SNTG1: variants seen among roughly 807,000 people sequenced by gnomAD.
SNTG1 encodes syntrophin gamma 1.
In SNTG1, 39 loss-of-function variants were observed where a neutral mutation model predicts 74.7. The observed-to-expected ratio is 0.52, with a 90% CI of 0.40 to 0.68. The LOEUF (loss-of-function observed/expected upper bound fraction) is 0.68. Ranked by LOEUF, SNTG1 falls within the 30% of genes least tolerant of loss-of-function variation. The probability of loss-of-function intolerance (pLI) is 0.00; values close to 1 mark genes in which losing one functional copy is unlikely to be tolerated. For synonymous variants in SNTG1, 254 were observed against 217.1 expected (o/e 1.17, Z -1.49); for missense variants, 685 against 609.5 (o/e 1.12, Z -1.30).
intron 8 of SNTG1, among the ~76,000 whole-genome samples, chr8:50,489,324 T>G (rs142999773): frequency 0.86 from 130,612 of 152,162 alleles, 56,196 homozygotes; most frequent in Non-Finnish European, 0.89. Flanking sequence ...TGATATTTCT[T>G]GTTCTAGATC....
intron 1 of SNTG1, among the ~76,000 whole-genome samples, chr8:50,024,848 C>T (rs1347640531): frequency 6.6e-6 from 1 of 152,018 alleles, no homozygotes; most frequent in Non-Finnish European, 1.5e-5. Flanking sequence ...GTAGTGTAGA[C>T]AGCACAGATA....
intron 1 of SNTG1, among the ~76,000 whole-genome samples, chr8:50,163,015 C>G (rs1293238098): frequency 6.6e-6 from 1 of 152,204 alleles, no homozygotes; most frequent in East Asian, 1.9e-4. Context: ...GTGGCTGCTT[C>G]CAGGATTCAT....
intron 2 of SNTG1, among the ~76,000 whole-genome samples, chr8:50,310,757 C>T (rs12681918): frequency 0.47 from 71,200 of 151,700 alleles, 19,231 homozygotes; most frequent in East Asian, 0.83. Context: ...GTCTGTGAAG[C>T]TATTAAAGTG....
At chr8:50,253,358 G>A (rs2086727027) in intron 2 of SNTG1, among the ~76,000 whole-genome samples, 1 of 152,072 alleles carries the variant, frequency 6.6e-6, no homozygotes, top group South Asian at 2.1e-4. Flanking sequence ...GGGAGGCAGA[G>A]GTGACTGTGA....
At chr8:50,355,033 A>T (rs930915431) in intron 2 of SNTG1, among the ~76,000 whole-genome samples, 1 of 152,160 alleles carries the variant, frequency 6.6e-6, no homozygotes, top group Non-Finnish European at 1.5e-5. Context: ...ATCCTTGAGA[A>T]GCGTGCATTG....
At chr8:50,171,908 C>T (rs1435733328) in intron 1 of SNTG1, among the ~76,000 whole-genome samples, 1 of 152,198 alleles carries the variant, frequency 6.6e-6, no homozygotes, top group Non-Finnish European at 1.5e-5. Context: ...ATAGGCATCT[C>T]ACCTGCCTAT....
intron 18 of SNTG1, among the ~76,000 whole-genome samples, chr8:50,783,122 G>A (rs968962626): frequency 1.3e-5 from 2 of 152,180 alleles, no homozygotes; most frequent in African/African-American, 2.4e-5. Context: ...GTGCCTCCCA[G>A]TTAGGCTGCT....
chr8:50,411,889 C>T (rs944051131), intron 4 of SNTG1, among the ~76,000 whole-genome samples: 2 of 152,142 alleles, frequency 1.3e-5, no homozygotes, highest in African/African-American at 4.8e-5. Flanking sequence ...TGTAGTCAGC[C>T]TGTGGCAACA....
chr8:50,461,790 A>C (rs2093565387), intron 8 of SNTG1, among the ~76,000 whole-genome samples: 2 of 151,882 alleles, frequency 1.3e-5, no homozygotes, highest in Admixed American at 6.6e-5. Context: ...TTTCAGGCTG[A>C]TCTTGCATAT....
chr8:50,119,833 C>T lies in SNTG1; in HGVS notation c.-102-52728C>T, dbSNP rs996642925. Among the ~76,000 whole-genome samples, 11 of 141,864 alleles carry T rather than the reference C, an allele frequency of 7.8e-5. 3 individuals are homozygous for T. The highest frequency in any genetic ancestry group is 4.0e-4 in the East Asian group (2 of 4,944). 93.1% of individuals were successfully genotyped at this position (141,864 alleles called of 152,430 possible). ...GTAAATTTAGGAGCCAGAATTAATA[C>T]GCTAGAATAATACAAGCATGCTTGC... On this transcript the variant is annotated intron_variant, in intron 1 of 18. Transcript: ENST00000642720.
chr8:50,744,634 C>T (rs1391002404), intron 17 of SNTG1, among the ~76,000 whole-genome samples: 1 of 151,928 alleles, frequency 6.6e-6, no homozygotes, highest in Non-Finnish European at 1.5e-5. Flanking sequence ...AGGTCTTTGA[C>T]TTCTGATTAC....
chr8:50,445,938 G>T (rs1323344611), intron 5 of SNTG1, among the ~76,000 whole-genome samples: 2 of 152,162 alleles, frequency 1.3e-5, no homozygotes, highest in Non-Finnish European at 2.9e-5. Context: ...GACACTAAAG[G>T]AGGGGGCTTT....
intron 8 of SNTG1, among the ~76,000 whole-genome samples, chr8:50,481,979 T>G (rs1314408226): frequency 6.6e-6 from 1 of 152,200 alleles, no homozygotes; most frequent in Non-Finnish European, 1.5e-5. Context: ...GCATGCAACA[T>G]GTTATGGACA....
intron 2 of SNTG1, among the ~76,000 whole-genome samples, chr8:50,190,954 G>A (rs2083550517): frequency 6.6e-6 from 1 of 152,066 alleles, no homozygotes; most frequent in Non-Finnish European, 1.5e-5. Flanking sequence ...GCTACAAACA[G>A]CTTGCCTTTC....
At chr8:50,559,286 T>A (rs2094473752) in intron 12 of SNTG1, among the ~76,000 whole-genome samples, 1 of 152,086 alleles carries the variant, frequency 6.6e-6, no homozygotes. Context: ...AACAAAAATA[T>A]CCAAAGGAAG....
At chr8:50,128,220 C>A (rs1360733095) in intron 1 of SNTG1, among the ~76,000 whole-genome samples, 1 of 152,018 alleles carries the variant, frequency 6.6e-6, no homozygotes, top group African/African-American at 2.4e-5. Flanking sequence ...ATTCTATCTC[C>A]CTCCATTACT....
chr8:49,929,893 A>G (rs1807404684), intron 1 of SNTG1, among the ~76,000 whole-genome samples: 1 of 109,944 alleles, frequency 9.1e-6, no homozygotes, highest in Non-Finnish European at 1.7e-5. Flanking sequence ...CAGTCCCCAG[A>G]GGGTGATATT....
At chr8:50,652,657 G>A (rs1447445565) in intron 13 of SNTG1, among the ~76,000 whole-genome samples, 1 of 151,982 alleles carries the variant, frequency 6.6e-6, no homozygotes, top group Non-Finnish European at 1.5e-5. Flanking sequence ...ATTAGCCGGG[G>A]TTGGTGGTGG....
In SNTG1 at chr8:50,394,342, G is replaced by A. The variant is rs2092701146; in HGVS notation, c.27+77G>A. 5 of 1,452,646 alleles carry A rather than the reference G, an allele frequency of 3.4e-6. No individual in the cohort carries two copies. In the East Asian group the frequency reaches 9.5e-5, roughly 28 times the overall value. 90.0% of individuals were successfully genotyped at this position (1,452,646 alleles called of 1,614,324 possible). A position where few individuals can be genotyped will look rare whatever the true frequency, so the allele number is the denominator to read the frequency against. ...GAAACACTTGGCTCCAATTTATATA[G>A]GGAAATTCTGCTTTTGGCAGAAAAT... On this transcript the variant is annotated intron_variant, in intron 3 of 18. Coordinates refer to ENST00000642720, the MANE Select transcript of SNTG1 (RefSeq NM_018967.5).
Sources: allele counts gnomAD v4.1 joint callset (sites outside exome capture counted in the v4.1 genomes callset), GRCh38; gene constraint gnomAD v4.1.1; transcripts MANE v1.5; gene names NCBI Gene and HGNC (gene_info 2026-07-23, HGNC 2026-07-21).